Variants in HPS5 observed in about 807,000 individuals in gnomAD.
HPS5 encodes BLOC-2 complex member HPS5.
Under a neutral mutation model 128.0 loss-of-function variants are expected in HPS5, and 83 were observed. The ratio of observed to expected loss-of-function variants is 0.65; its 90% CI spans 0.54 to 0.78. HPS5 has a LOEUF of 0.78. HPS5 is among the 30% of genes least tolerant of loss of function. The pLI is 0.00. For synonymous variants in HPS5, 475 were observed against 470.2 expected, an observed-to-expected ratio of 1.01 and a Z score of -0.13; for missense variants, 1,281 against 1,326.2, an observed-to-expected ratio of 0.97 and a Z score of 0.53.
chr11:18,307,568 G>A (rs1486103830), intron 6 of HPS5, among the ~76,000 whole-genome samples: 1 of 152,026 alleles, frequency 6.6e-6, no homozygotes, highest in Non-Finnish European at 1.5e-5. Context: ...ATTATCATTT[G>A]TATACTCATT....
intron 2 of HPS5, among the ~76,000 whole-genome samples, chr11:18,314,674 T>A (rs575620735): frequency 5.4e-4 from 83 of 152,314 alleles, no homozygotes; most frequent in African/African-American, 1.9e-3. Context: ...CTTATATTAT[T>A]TTCGCCTTTG....
intron 8 of HPS5, 130 bp from the exon 9 acceptor site, chr11:18,301,046 A>G: frequency 1.4e-6 from 1 of 690,508 alleles, no homozygotes; most frequent in Non-Finnish European, 2.7e-6. Context: ...AGAGTGATCC[A>G]GCTAATCGAG....
chr11:18,289,820 A>G (rs1045395725), intron 16 of HPS5, among the ~76,000 whole-genome samples: 4 of 152,224 alleles, frequency 2.6e-5, no homozygotes, highest in African/African-American at 9.6e-5. Flanking sequence ...ACATGGGACT[A>G]TGGCTGCAGA....
intron 22 of HPS5, chr11:18,280,421 C>T: frequency 1.7e-6 from 1 of 572,284 alleles, no homozygotes; most frequent in Non-Finnish European, 3.1e-6. Flanking sequence ...GAAATTGGAA[C>T]TCTTGTGCAC....
At position 18,302,276 on chromosome 11, in the gene HPS5, T is replaced by C. The variant is rs571404727; in HGVS notation, c.897-1360A>G. Among the ~76,000 whole-genome samples, 7 of 152,304 alleles carry C rather than the reference T, an allele frequency of 4.6e-5. No individual in the cohort carries two copies. The South Asian group carries it at 1.4e-3, about 32-fold the overall frequency. ...ATTTCATTTATTCTCTCAAGGCTGCTACTATTTTTTATATACCACTGGTAA... is the reference window on the plus strand; with the variant it reads ...ATTTCATTTATTCTCTCAAGGCTGCCACTATTTTTTATATACCACTGGTAA... On this transcript the variant is annotated intron_variant, in intron 8 of 22. Transcript: ENST00000349215.
chr11:18,287,749 T>C, intron 17 of HPS5, 59 bp from the exon 18 acceptor site: 1 of 1,598,374 alleles, frequency 6.3e-7, no homozygotes, highest in Non-Finnish European at 8.6e-7. Flanking sequence ...ATAACTTGGT[T>C]ACATTTAGGT....
intron 21 of HPS5, among the ~76,000 whole-genome samples, chr11:18,282,584 C>A (rs1208674683): frequency 6.6e-6 from 1 of 152,014 alleles, no homozygotes; most frequent in Non-Finnish European, 1.5e-5. Context: ...AGAATTCTTT[C>A]AACCACTCAG....
intron 20 of HPS5, 37 bp from the exon 21 acceptor site, chr11:18,283,938 G>T: frequency 6.9e-7 from 1 of 1,438,878 alleles, no homozygotes; most frequent in Non-Finnish European, 9.8e-7. Flanking sequence ...GGAATAAAAG[G>T]CCATGAATTT....
At chr11:18,280,710 G>GT (rs1264505185) in intron 22 of HPS5, 1 of 567,584 alleles carries the variant, frequency 1.8e-6, no homozygotes, top group African/African-American at 1.9e-5. Flanking sequence ...TCAGCCTTAA[G>GT]TAGAAAGGAA....
At chr11:18,310,618 G>T in intron 5 of HPS5, 123 bp downstream of exon 5, 1 of 819,042 alleles carries the variant, frequency 1.2e-6, no homozygotes, top group Non-Finnish European at 2.0e-6. Context: ...AAATCTCCAG[G>T]TTTGGACTCC....
intron 5 of HPS5, 93 bp downstream of exon 5, chr11:18,310,648 T>C (rs1308694860): frequency 2.8e-6 from 3 of 1,058,112 alleles, no homozygotes; most frequent in African/African-American, 1.6e-5. Context: ...TCCCAAGAAA[T>C]ACAGTAGATA....
intron 2 of HPS5, among the ~76,000 whole-genome samples, chr11:18,313,792 T>A (rs1487211355): frequency 6.6e-6 from 1 of 151,850 alleles, no homozygotes; most frequent in Non-Finnish European, 1.5e-5. Flanking sequence ...TGCGTGCCTG[T>A]AATCCCAGCT....
At chr11:18,317,118 C>A (rs1358822774) in intron 2 of HPS5, among the ~76,000 whole-genome samples, 2 of 151,674 alleles carry the variant, frequency 1.3e-5, no homozygotes, top group African/African-American at 4.8e-5. Flanking sequence ...GGTGTGAACC[C>A]GGGAGGCGGA....
rs1448877394 is a variant in HPS5 at position 18,295,187 on chromosome 11, A to G, written c.1635-18T>C. 2 of 1,610,948 alleles carry G rather than the reference A, an allele frequency of 1.2e-6. No homozygotes were observed. The highest frequency in any genetic ancestry group is 1.1e-5 in the South Asian group (1 of 90,794). ...TAGAAACACTAGAAGTCAAATAACA[A>G]AAAACTAACATGAATAAAAACTTAT... On this transcript the variant is annotated intron_variant, in intron 13 of 22. Transcript: ENST00000349215.
At chr11:18,281,376 A>T (rs1407363316) in intron 22 of HPS5, among the ~76,000 whole-genome samples, 1 of 151,458 alleles carries the variant, frequency 6.6e-6, no homozygotes, top group Non-Finnish European at 1.5e-5. Flanking sequence ...TTACAGGCAT[A>T]AGCCACCGTA....
At chr11:18,290,178 G>A (rs1408244976) in intron 16 of HPS5, among the ~76,000 whole-genome samples, 1 of 152,184 alleles carries the variant, frequency 6.6e-6, no homozygotes, top group East Asian at 1.9e-4. Flanking sequence ...AAGGGAAGAT[G>A]GAGCTGAAAA....
chr11:18,282,620 T>G (rs942349784), intron 21 of HPS5, among the ~76,000 whole-genome samples: 1 of 152,072 alleles, frequency 6.6e-6, no homozygotes, highest in African/African-American at 2.4e-5. Flanking sequence ...TATCCTATGC[T>G]AAGCACTGGA....
Position 18,282,180 on chromosome 11 carries a change from A to C in HPS5, c.3099T>G (p.Leu1033=), listed in dbSNP as rs1375761274. The change falls in exon 22 of 23, where the codon CTT becomes CTG. Residue 1033 remains leucine (L), a synonymous_variant. Coordinates refer to ENST00000349215, the MANE Select transcript of HPS5 (RefSeq NM_181507.2). ...PETVEEWKLL[L]HLIQSKSTRP... ...TCGTGCTCTTGCTCTGTATGAGATG[A>C]AGGAGAAGCTTCCATTCCTCCACGG... The C allele has an allele frequency of 6.2e-7, 1 of 1,614,040 alleles. No homozygotes were observed. Among genetic ancestry groups the C allele is most frequent in the Admixed American group, 1.7e-5 (1 of 60,008 alleles).
In HPS5 at chr11:18,287,970, T is replaced by C; in HGVS notation, c.2484A>G (p.Gly828=). The change falls in exon 17 of 23, where the codon GGA becomes GGG. Residue 828 remains glycine, a synonymous_variant. Transcript: ENST00000349215. ...SNPVYMEMEK[G]DLPTRLKLLD... is the part of the protein sequence containing the mutation. ...GTAACTTTAACCTTGTTGGTAGATC[T>C]CCTTTTTCCATCTCCATATACACAG... The C allele has an allele frequency of 6.2e-7, 1 of 1,613,892 alleles. No individual in the cohort carries two copies. Among genetic ancestry groups the C allele is most frequent in the Non-Finnish European group, 8.5e-7 (1 of 1,179,856 alleles).
Sources: gnomAD v4.1 joint callset for allele counts (sites outside exome capture counted in the v4.1 genomes callset) on GRCh38, gnomAD v4.1.1 for gene constraint, MANE v1.5 for transcripts, NCBI Gene and HGNC (gene_info 2026-07-23, HGNC 2026-07-21) for gene names.